MYO5A: variants seen among roughly 807,000 people sequenced by gnomAD.
MYO5A encodes the protein myosin VA.
MYO5A carries 98 observed loss-of-function variants against 249.7 expected under a neutral mutation model. The observed-to-expected ratio is 0.39, with a 90% CI of 0.33 to 0.46. The LOEUF (loss-of-function observed/expected upper bound fraction) is 0.46, where lower values mean the gene tolerates loss of function less well. MYO5A is among the 20% of genes least tolerant of loss of function. The probability of loss-of-function intolerance (pLI) is 0.98; values close to 1 mark genes in which losing one functional copy is unlikely to be tolerated. For missense variants in MYO5A, 1,696 were observed against 2,308.8 expected (o/e 0.73, Z 5.44); for synonymous variants, 778 against 810.6 (o/e 0.96, Z 0.68).
intron 1 of MYO5A, among the ~76,000 whole-genome samples, chr15:52,479,935 G>T (rs1001733095): frequency 6.7e-6 from 1 of 150,010 alleles, no homozygotes; most frequent in Non-Finnish European, 1.5e-5. Flanking sequence ...ACCAGTTTGT[G>T]TGTGTATTCC....
rs1250797189 is a variant in MYO5A at position 52,425,967 on chromosome 15, G to A, written c.318C>T (p.Val106=). The A allele has an allele frequency of 1.2e-5, 19 of 1,612,422 alleles. No homozygotes were observed. The highest frequency in any genetic ancestry group is 1.5e-5 in the Non-Finnish European group (18 of 1,178,670). The change falls in exon 4 of 42, where the codon GTC becomes GTT. Residue 106 remains valine, a synonymous_variant. Coordinates refer to ENST00000399233, the MANE Select transcript of MYO5A (RefSeq NM_001382347.1). ...GTTCATAGGGATTTATAGCTACTAG[G>A]ACTATACCTGGGAATAGGGTAGGGG... ...SKLIYTYCGI[V]LVAINPYEQL...
chr15:52,385,578 T>A (rs4776044), intron 14 of MYO5A, among the ~76,000 whole-genome samples: 22,852 of 149,798 alleles, frequency 0.15, 1,802 homozygotes, highest in Middle Eastern at 0.22. Context: ...ATATATATAT[T>A]TTTTTAAACT....
intron 1 of MYO5A, among the ~76,000 whole-genome samples, chr15:52,442,192 C>G (rs140357247): frequency 2.6e-5 from 4 of 152,228 alleles, no homozygotes; most frequent in African/African-American, 9.6e-5. Flanking sequence ...AACAGAGATT[C>G]AGTCCCCACC....
chr15:52,477,381 G>A (rs565300783), intron 1 of MYO5A, among the ~76,000 whole-genome samples: 4 of 152,092 alleles, frequency 2.6e-5, no homozygotes, highest in South Asian at 2.1e-4. Flanking sequence ...CTGATCTTCC[G>A]AAGCCTTCTT....
At chr15:52,442,196 C>A (rs889962305) in intron 1 of MYO5A, among the ~76,000 whole-genome samples, 2 of 152,050 alleles carry the variant, frequency 1.3e-5, no homozygotes, top group Non-Finnish European at 2.9e-5. Context: ...GAGATTCAGT[C>A]CCCACCCAAA....
intron 1 of MYO5A, among the ~76,000 whole-genome samples, chr15:52,502,448 C>T (rs1595804555): frequency 1.3e-5 from 2 of 152,320 alleles, no homozygotes; most frequent in East Asian, 1.9e-4. Flanking sequence ...ATCATTTGTA[C>T]ATAAGATCTA....
rs143482114 is a variant in MYO5A, at chr15:52,339,984, C to T, written c.4239+212G>A. On this transcript the variant is annotated intron_variant, in intron 32 of 41. Coordinates refer to ENST00000399233, the MANE Select transcript of MYO5A (RefSeq NM_001382347.1). Reference sequence around the variant, plus strand: ...TGCCTCCAGGGCAGGTCTAAGAGCACGCAGCCCTCCGTGATAAAGAGAACC... The same window carrying T: ...TGCCTCCAGGGCAGGTCTAAGAGCATGCAGCCCTCCGTGATAAAGAGAACC... Among the ~76,000 whole-genome samples the T allele has an allele frequency of 5.9e-3, 905 of 152,310 alleles. 10 individuals are homozygous for T. Among genetic ancestry groups the T allele is most frequent in the African/African-American group, 0.021 (863 of 41,568 alleles).
intron 37 of MYO5A, 63 bp downstream of exon 37, chr15:52,323,292 T>C (rs1017409579): frequency 2.1e-6 from 3 of 1,452,834 alleles, no homozygotes; most frequent in Non-Finnish European, 2.9e-6. Context: ...TGCTTTTACA[T>C]TTTTTCCTTA....
chr15:52,396,460 C>T, intron 10 of MYO5A, 63 bp from the exon 11 acceptor site: 1 of 910,630 alleles, frequency 1.1e-6, no homozygotes, highest in Non-Finnish European at 1.8e-6. Flanking sequence ...TAAAAATATT[C>T]AAAATATACA....
intron 40 of MYO5A, 126 bp from the exon 41 acceptor site, chr15:52,314,329 C>T: frequency 1.4e-6 from 1 of 723,324 alleles, no homozygotes; most frequent in African/African-American, 1.8e-5. Context: ...GGGCTGGGAC[C>T]AGAAGGAAGG....
At chr15:52,355,138 A>G (rs1376986387) in intron 25 of MYO5A, among the ~76,000 whole-genome samples, 4 of 152,244 alleles carry the variant, frequency 2.6e-5, no homozygotes, top group African/African-American at 4.8e-5. Context: ...CTACATTTAC[A>G]ATCAGGAAGA....
Position 52,348,839 on chromosome 15 carries a change from A to G in MYO5A, c.3850-13T>C. The G allele has an allele frequency of 6.2e-7, 1 of 1,603,872 alleles. No individual in the cohort carries two copies. Among genetic ancestry groups the G allele is most frequent in the Admixed American group, 1.7e-5 (1 of 59,082 alleles). The stretch of plus-strand genomic sequence containing the variant: ...TTACCTTGTCATCCTGAGAATCACA[A>G]GTCAGCAAGCACAAAAAACAGAGAA... On this transcript the variant is annotated splice_polypyrimidine_tract_variant and intron_variant, in intron 28 of 41. Transcript: ENST00000399233.
intron 25 of MYO5A, among the ~76,000 whole-genome samples, chr15:52,354,715 C>G (rs987092987): frequency 3.3e-5 from 5 of 152,038 alleles, no homozygotes; most frequent in African/African-American, 1.2e-4. Flanking sequence ...TTAGCCGGGC[C>G]TGGTGGCACA....
rs61731219 is a variant in MYO5A, at chr15:52,343,197, T to A, written c.3960A>T (p.Arg1320Ser). Reference protein sequence around the residue: ...QAYIGLKETNRSSALDYHELN... With the variant: ...QAYIGLKETNSSSALDYHELN... ...ACTCATGGTAATCCAGAGCAGATGA[T>A]CTTCCATGCAAAAGGAACAACAATG... Residue 1320 changes from arginine to serine, a missense_variant and splice_region_variant, in exon 31 of 42, where the codon AGA (arginine) becomes AGT (serine). This residue lies in a region of MYO5A where 625 missense variants were observed against 908.1 expected (regional missense o/e 0.69). Transcript: ENST00000399233. 0.04 allele frequency: 64,188 copies of A among 1,612,686 alleles called. 1,640 individuals carry two copies. Among genetic ancestry groups the A allele is most frequent in the Non-Finnish European group, 0.045 (52,827 of 1,178,710 alleles).
At chr15:52,405,790 G>A (rs889468644) in intron 8 of MYO5A, among the ~76,000 whole-genome samples, 1 of 152,206 alleles carries the variant, frequency 6.6e-6, no homozygotes, top group African/African-American at 2.4e-5. Flanking sequence ...ATGACACACA[G>A]TAAGTGCTAA....
chr15:52,463,939 A>C (rs2076303144), intron 1 of MYO5A, among the ~76,000 whole-genome samples: 1 of 152,178 alleles, frequency 6.6e-6, no homozygotes, highest in South Asian at 2.1e-4. Context: ...CTTACTTACA[A>C]AATAAACCAA....
chr15:52,380,223 G>A (rs1270745409), intron 16 of MYO5A, among the ~76,000 whole-genome samples: 1 of 152,182 alleles, frequency 6.6e-6, no homozygotes, highest in Non-Finnish European at 1.5e-5. Flanking sequence ...ATCACCTGAG[G>A]TCAGGAGTTC....
chr15:52,459,891 G>T (rs919293776), intron 1 of MYO5A, among the ~76,000 whole-genome samples: 1 of 151,784 alleles, frequency 6.6e-6, no homozygotes, highest in South Asian at 2.1e-4. Context: ...CTTCCCAGAC[G>T]GGGCGGTTGC....
chr15:52,356,819 A>ACCGAGTTTTGCTC (rs1567047900), intron 25 of MYO5A, among the ~76,000 whole-genome samples: 12 of 93,658 alleles, frequency 1.3e-4, no homozygotes, highest in African/African-American at 5.6e-4. Context: ...TTTTTTTTTT[A>ACCGAGTTTTGCTC]TTTTCAGGAA....
Sources: allele counts gnomAD v4.1 joint callset (sites outside exome capture counted in the v4.1 genomes callset), GRCh38; gene constraint gnomAD v4.1.1; regional missense constraint gnomAD v4.1.1; transcripts MANE v1.5; gene names NCBI Gene and HGNC (gene_info 2026-07-23, HGNC 2026-07-21).